Variants in RHOJ observed in about 807,000 individuals in gnomAD.
The protein encoded by RHOJ is rho-related GTP-binding protein RhoJ.
RHOJ carries 11 observed loss-of-function variants against 23.4 expected under a neutral mutation model. The ratio of observed to expected loss-of-function variants is 0.47; its 90% CI spans 0.30 to 0.78. The LOEUF (loss-of-function observed/expected upper bound fraction) is 0.78. Among genes scored for constraint, RHOJ ranks in the 30% least tolerant of loss-of-function variants. The pLI, the probability that RHOJ is intolerant of heterozygous loss-of-function variation, is 0.08. For synonymous variants in RHOJ, 102 were observed against 102.7 expected, an observed-to-expected ratio of 0.99 and a Z score of 0.04; for missense variants, 254 against 273.4, an observed-to-expected ratio of 0.93 and a Z score of 0.50.
chr14:63,269,206 G>T, intron 2 of RHOJ, 38 bp downstream of exon 2: 3 of 1,457,886 alleles, frequency 2.1e-6, no homozygotes, highest in Non-Finnish European at 2.9e-6. Context: ...GAGGGCGGTG[G>T]TGTAGGGGAG....
At chr14:63,282,182 G>C (rs950884914) in intron 3 of RHOJ, among the ~76,000 whole-genome samples, 10 of 152,060 alleles carry the variant, frequency 6.6e-5, no homozygotes, top group African/African-American at 2.4e-4. Flanking sequence ...CTGAATCCCT[G>C]CTGCCAAATA....
intron 1 of RHOJ, among the ~76,000 whole-genome samples, chr14:63,209,222 C>A (rs952082165): frequency 6.6e-6 from 1 of 152,174 alleles, no homozygotes; most frequent in Non-Finnish European, 1.5e-5. Context: ...CCCCTATCAT[C>A]AATTCTCCAC....
chr14:63,280,767 A>C (rs997720671), intron 2 of RHOJ, among the ~76,000 whole-genome samples: 1 of 152,236 alleles, frequency 6.6e-6, no homozygotes, highest in Non-Finnish European at 1.5e-5. Context: ...GGGGCAATAC[A>C]TAATCTCTGT....
intron 1 of RHOJ, among the ~76,000 whole-genome samples, chr14:63,245,092 C>G (rs2139634846): frequency 6.6e-6 from 1 of 152,312 alleles, no homozygotes; most frequent in South Asian, 2.1e-4. Flanking sequence ...TAACTAAAAT[C>G]CAAACATTCC....
intron 1 of RHOJ, among the ~76,000 whole-genome samples, chr14:63,268,415 T>C (rs976521182): frequency 2.6e-5 from 4 of 152,164 alleles, no homozygotes; most frequent in African/African-American, 9.6e-5. Flanking sequence ...CTGAGTTAAG[T>C]CAAACTCACT....
chr14:63,258,855 G>A (rs1370299749), intron 1 of RHOJ, among the ~76,000 whole-genome samples: 2 of 152,240 alleles, frequency 1.3e-5, no homozygotes, highest in African/African-American at 4.8e-5. Flanking sequence ...ATTTTTGGCT[G>A]CAGGTACTGT....
intron 3 of RHOJ, among the ~76,000 whole-genome samples, chr14:63,282,418 A>C (rs182100051): frequency 7.2e-5 from 11 of 152,104 alleles, no homozygotes; most frequent in Admixed American, 3.3e-4. Flanking sequence ...ATTCACACCC[A>C]CTCATGAACA....
chr14:63,291,026 G>A lies in RHOJ; in HGVS notation c.*2G>A. On this transcript the variant is annotated 3_prime_UTR_variant, in exon 5 of 5. Coordinates refer to ENST00000316754, the MANE Select transcript of RHOJ (RefSeq NM_020663.5). ...CACAGCTGCTGTTCAATTATCTGAG[G>A]TTGTCTGGGACCTGCCTCCACCCCA... 1 of 1,614,044 alleles carries A rather than the reference G, an allele frequency of 6.2e-7. No individual in the cohort carries two copies. Among genetic ancestry groups the A allele is most frequent in the Non-Finnish European group, 8.5e-7 (1 of 1,179,986 alleles).
At chr14:63,273,898 G>C (rs1895516420) in intron 2 of RHOJ, among the ~76,000 whole-genome samples, 1 of 152,220 alleles carries the variant, frequency 6.6e-6, no homozygotes, top group South Asian at 2.1e-4. Context: ...CTGCATGTGG[G>C]CAAGCACAGA....
intron 1 of RHOJ, among the ~76,000 whole-genome samples, chr14:63,266,758 C>G (rs1895374508): frequency 6.6e-6 from 1 of 152,116 alleles, no homozygotes; most frequent in South Asian, 2.1e-4. Context: ...ATTTTTATAT[C>G]CTGAACCTTT....
At chr14:63,274,405 A>G (rs1391777982) in intron 2 of RHOJ, among the ~76,000 whole-genome samples, 1 of 152,170 alleles carries the variant, frequency 6.6e-6, no homozygotes, top group Non-Finnish European at 1.5e-5. Context: ...TCAGGACACA[A>G]TCTTACTTCT....
intron 3 of RHOJ, among the ~76,000 whole-genome samples, chr14:63,281,368 C>T (rs552159775): frequency 6.6e-6 from 1 of 151,902 alleles, no homozygotes; most frequent in African/African-American, 2.4e-5. Context: ...AAATTAATCT[C>T]TATGATTTTT....
intron 1 of RHOJ, among the ~76,000 whole-genome samples, chr14:63,227,242 G>A (rs571399684): frequency 2.6e-5 from 4 of 152,252 alleles, no homozygotes; most frequent in East Asian, 1.9e-4. Flanking sequence ...GTGAGCCACC[G>A]CGCCCAGCCG....
intron 4 of RHOJ, among the ~76,000 whole-genome samples, chr14:63,284,561 T>TCAC (rs529216277): frequency 1.5e-4 from 23 of 152,222 alleles, no homozygotes; most frequent in Non-Finnish European, 3.1e-4. Flanking sequence ...TACCTGACCG[T>TCAC]CACGTAAATG....
chr14:63,242,212 T>C (rs1322361993), intron 1 of RHOJ, among the ~76,000 whole-genome samples: 2 of 152,220 alleles, frequency 1.3e-5, no homozygotes, highest in Non-Finnish European at 2.9e-5. Flanking sequence ...ATGGCCACAA[T>C]TTTTTGCTAC....
At chr14:63,290,499 C>T (rs1413578757) in intron 4 of RHOJ, among the ~76,000 whole-genome samples, 2 of 152,214 alleles carry the variant, frequency 1.3e-5, no homozygotes, top group East Asian at 3.9e-4. Context: ...TCATGCACCC[C>T]TGTTCTTCAC....
At chr14:63,286,604 C>T (rs553823716) in intron 4 of RHOJ, among the ~76,000 whole-genome samples, 5 of 152,268 alleles carry the variant, frequency 3.3e-5, no homozygotes, top group South Asian at 2.1e-4. Context: ...TAGTGGCCAA[C>T]ATTTAATAGT....
intron 1 of RHOJ, among the ~76,000 whole-genome samples, chr14:63,242,095 C>T (rs1208879027): frequency 6.6e-6 from 1 of 152,116 alleles, no homozygotes; most frequent in Non-Finnish European, 1.5e-5. Flanking sequence ...ATAATATTGC[C>T]TTGTTTAAAG....
At chr14:63,242,848 T>C (rs1594762229) in intron 1 of RHOJ, among the ~76,000 whole-genome samples, 1 of 152,274 alleles carries the variant, frequency 6.6e-6, no homozygotes, top group Middle Eastern at 3.4e-3. Flanking sequence ...AGATGTAAAA[T>C]GAAATGCCAC....
Sources: allele counts gnomAD v4.1 joint callset (sites outside exome capture counted in the v4.1 genomes callset), GRCh38; gene constraint gnomAD v4.1.1; transcripts MANE v1.5; gene names NCBI Gene and HGNC (gene_info 2026-07-23, HGNC 2026-07-21).